PALM: variants seen among roughly 807,000 people sequenced by gnomAD.
The protein encoded by PALM is paralemmin.
PALM carries 18 observed loss-of-function variants against 30.7 expected under a neutral mutation model. The observed-to-expected ratio is 0.59, with a 90% CI of 0.41 to 0.87. The LOEUF (loss-of-function observed/expected upper bound fraction) is 0.87, where lower values mean the gene tolerates loss of function less well. Ranked by LOEUF, PALM falls within the 40% of genes least tolerant of loss-of-function variation. The probability of loss-of-function intolerance (pLI) is 0.00; values close to 1 mark genes in which losing one functional copy is unlikely to be tolerated. For missense variants in PALM, 529 were observed against 555.4 expected (o/e 0.95, Z 0.48); for synonymous variants, 286 against 242.8 (o/e 1.18, Z -1.66).
chr19:709,141 G>T lies in PALM; in HGVS notation c.-6G>T, dbSNP rs1175933639. 3 of 317,002 alleles carry T rather than the reference G, an allele frequency of 9.5e-6. No individual in the cohort carries two copies. Among genetic ancestry groups the T allele is most frequent in the Non-Finnish European group, 1.7e-5 (3 of 173,704 alleles). 19.6% of individuals were successfully genotyped at this position (317,002 alleles called of 1,614,324 possible). On this transcript the variant is annotated 5_prime_UTR_variant, in exon 1 of 9. Transcript: ENST00000338448. The surrounding 1 kb of genome is among the most constrained non-coding windows in gnomAD (Gnocchi z 4.3). ...ACCGCGGACCCACCCGGACCTCGGCGGGGAGATGGAGTGAGTAGGCGCGCT... is the reference window on the plus strand; with the variant it reads ...ACCGCGGACCCACCCGGACCTCGGCTGGGAGATGGAGTGAGTAGGCGCGCT...
chr19:719,652 C>T, intron 1 of PALM: 2 of 984,994 alleles, frequency 2.0e-6, no homozygotes, highest in Non-Finnish European at 2.4e-6. Flanking sequence ...CTCCTCCGCC[C>T]AGCATGTAAG....
Position 716,644 on chromosome 19 carries a change from C to A in PALM, c.5+7493C>A, listed in dbSNP as rs1394283403. ...TCAGGGAGCGAGAAGCTGATGTCCTCATCAGTTTGTATTCAAACGCTTCCA... is the reference window on the plus strand; with the variant it reads ...TCAGGGAGCGAGAAGCTGATGTCCTAATCAGTTTGTATTCAAACGCTTCCA... On this transcript the variant is annotated intron_variant, in intron 1 of 8. Transcript: ENST00000338448. Among the ~76,000 whole-genome samples the A allele has an allele frequency of 2.0e-5, 3 of 152,078 alleles. No individual in the cohort carries two copies. The East Asian group carries it at 5.8e-4, about 29-fold the overall frequency.
chr19:722,126 G>A (rs1315782125), intron 1 of PALM, among the ~76,000 whole-genome samples: 21 of 150,988 alleles, frequency 1.4e-4, no homozygotes, highest in Non-Finnish European at 2.5e-4. Context: ...CACCGTGTTA[G>A]CCAGGATGGT....
chr19:735,246 AGGTG>A (rs2144904346), intron 6 of PALM: 1 of 104,670 alleles, frequency 9.6e-6, no homozygotes, highest in African/African-American at 5.8e-5. Context: ...CTGGGGGCCC[AGGTG>A]CCTGTGTTTG....
intron 1 of PALM, among the ~76,000 whole-genome samples, chr19:716,125 A>C (rs1414863413): frequency 2.6e-5 from 4 of 152,070 alleles, no homozygotes; most frequent in Non-Finnish European, 4.4e-5. Flanking sequence ...GAAGACTTAG[A>C]TTAGGGCTGG....
At chr19:725,222 T>C (rs890663142) in intron 1 of PALM, among the ~76,000 whole-genome samples, 2 of 150,250 alleles carry the variant, frequency 1.3e-5, no homozygotes, top group Admixed American at 1.3e-4. Context: ...ATACCAGCCC[T>C]GGGAGGTGAG....
chr19:713,504 G>T (rs570663484), intron 1 of PALM, among the ~76,000 whole-genome samples: 1 of 152,296 alleles, frequency 6.6e-6, no homozygotes, highest in South Asian at 2.1e-4. Flanking sequence ...CCCAGTGGGG[G>T]CATCTCTGCC....
intron 1 of PALM, chr19:719,399 C>A (rs997028820): frequency 1.0e-6 from 1 of 985,442 alleles, no homozygotes; most frequent in African/African-American, 1.7e-5. Flanking sequence ...CCTCGCCGGG[C>A]CCCGAGCCGC....
intron 1 of PALM, among the ~76,000 whole-genome samples, chr19:717,757 T>C (rs535476316): frequency 2.7e-3 from 394 of 148,258 alleles, no homozygotes; most frequent in South Asian, 0.026. Context: ...GGGGCCGGGA[T>C]TGGGGGGACC....
At chr19:723,310 C>G (rs538555474) in intron 1 of PALM, among the ~76,000 whole-genome samples, 1 of 152,006 alleles carries the variant, frequency 6.6e-6, no homozygotes, top group African/African-American at 2.4e-5. Context: ...GCAGCAGACA[C>G]GAAGGGCAGG....
intron 4 of PALM, among the ~76,000 whole-genome samples, chr19:729,559 G>A (rs1272989161): frequency 2.8e-5 from 4 of 143,098 alleles, no homozygotes; most frequent in African/African-American, 7.8e-5. Flanking sequence ...TCCGCCTCCC[G>A]GGTTCACGCC....
intron 1 of PALM, among the ~76,000 whole-genome samples, chr19:725,801 C>T (rs771690894): frequency 2.0e-5 from 3 of 152,006 alleles, no homozygotes; most frequent in Non-Finnish European, 4.4e-5. Flanking sequence ...ATGGTCTGGG[C>T]CAGGAGGTGA....
intron 1 of PALM, among the ~76,000 whole-genome samples, chr19:719,837 A>C (rs1266129426): frequency 2.0e-5 from 3 of 151,846 alleles, no homozygotes; most frequent in African/African-American, 7.3e-5. Flanking sequence ...CGTCGGTGAA[A>C]TGGGGCTGAC....
intron 7 of PALM, among the ~76,000 whole-genome samples, chr19:738,343 G>C (rs568373427): frequency 6.6e-6 from 1 of 152,060 alleles, no homozygotes; most frequent in Non-Finnish European, 1.5e-5. Flanking sequence ...TGGCTAACAC[G>C]GTGAAACCCT....
At position 712,452 on chromosome 19, in the gene PALM, C is replaced by T. The variant is rs532064923; in HGVS notation, c.5+3301C>T. On this transcript the variant is annotated intron_variant, in intron 1 of 8. Coordinates refer to ENST00000338448, the MANE Select transcript of PALM (RefSeq NM_002579.3). Reference sequence around the variant, plus strand: ...CCCAGGCAGTGCAGTGGTGTGATCCCGGCTCACTGCAACCTCTGCCTCCTG... The same window carrying T: ...CCCAGGCAGTGCAGTGGTGTGATCCTGGCTCACTGCAACCTCTGCCTCCTG... 5.3e-5 allele frequency among the ~76,000 whole-genome samples: 8 copies of T among 152,048 alleles called. No individual in the cohort carries two copies. In the South Asian group the frequency reaches 1.2e-3, roughly 24 times the overall value.
rs369570868 is a variant in PALM at position 718,329 on chromosome 19, G to C, written c.6-7809G>C. 1.1e-4 allele frequency among the ~76,000 whole-genome samples: 17 copies of C among 152,246 alleles called. No individual in the cohort carries two copies. The East Asian group carries it at 2.5e-3, about 22-fold the overall frequency. On this transcript the variant is annotated intron_variant, in intron 1 of 8. Transcript: ENST00000338448. Reference sequence around the variant, plus strand: ...TTGGGCCTGAGGCCCGGGGAGGTCTGGGTGACCGTGCACCAGGCAGCAATG... The same window carrying C: ...TTGGGCCTGAGGCCCGGGGAGGTCTCGGTGACCGTGCACCAGGCAGCAATG...
intron 1 of PALM, among the ~76,000 whole-genome samples, chr19:712,487 G>A (rs556535573): frequency 3.3e-5 from 5 of 149,858 alleles, no homozygotes; most frequent in South Asian, 4.2e-4. Flanking sequence ...GGGTTCAAGC[G>A]GTTCTCCTGC....
Position 746,711 on chromosome 19 carries a change from C to A in PALM, c.1061C>A (p.Ala354Asp). The A allele has an allele frequency of 6.2e-7, 1 of 1,607,764 alleles. No homozygotes were observed. The highest frequency in any genetic ancestry group is 8.5e-7 in the Non-Finnish European group (1 of 1,177,862). The stretch of plus-strand genomic sequence containing the variant: ...AGTGCTGCCGAGCCTCCCACGGAGG[C>A]CGCCTCCAGGGAAGAGAATCAGGCG... ...NGSAAEPPTE[A>D]ASREENQAGP... Residue 354 changes from alanine to aspartate, a missense_variant, in exon 9 of 9, where the codon GCC becomes GAC. Coordinates refer to ENST00000338448, the MANE Select transcript of PALM (RefSeq NM_002579.3). This position sits in a 1 kb window ranked among gnomAD's most constrained non-coding sequence, Gnocchi z 7.1.
At chr19:719,586 G>A (rs557896518) in intron 1 of PALM, 2 of 986,670 alleles carry the variant, frequency 2.0e-6, no homozygotes, top group South Asian at 4.7e-5. Flanking sequence ...GGGACCCCCA[G>A]CAGCACCAGG....
Sources: allele counts gnomAD v4.1 joint callset (sites outside exome capture counted in the v4.1 genomes callset), GRCh38; gene constraint gnomAD v4.1.1; non-coding constraint Gnocchi (gnomAD v3.1); transcripts MANE v1.5; gene names NCBI Gene and HGNC (gene_info 2026-07-23, HGNC 2026-07-21).